The following SHISA5 variants were observed in gnomAD, a reference collection of about 807,000 sequenced individuals.
SHISA5 encodes the protein protein shisa-5.
A neutral mutation model predicts 27.5 loss-of-function variants in SHISA5; 21 were observed. The observed-to-expected ratio is 0.76, with a 90% CI of 0.54 to 1.10. The LOEUF is 1.10. SHISA5 is among the 50% of genes least tolerant of loss of function. The pLI is 0.00. For missense variants in SHISA5, 314 were observed against 336.3 expected (o/e 0.93, Z 0.52); for synonymous variants, 137 against 142.2 (o/e 0.96, Z 0.26).
intron 3 of SHISA5, among the ~76,000 whole-genome samples, chr3:48,475,392 C>T (rs2040788742): frequency 6.6e-6 from 1 of 152,088 alleles, no homozygotes; most frequent in African/African-American, 2.4e-5. Flanking sequence ...GGGCAGCCAC[C>T]CCGGCAGGGA....
At chr3:48,478,189 G>A (rs2040885075) in intron 3 of SHISA5, among the ~76,000 whole-genome samples, 2 of 152,212 alleles carry the variant, frequency 1.3e-5, no homozygotes, top group Admixed American at 6.5e-5. Context: ...ACGTGGAGGG[G>A]AAGGCCTGTA....
At chr3:48,495,977 C>A (rs1175089188) in intron 2 of SHISA5, among the ~76,000 whole-genome samples, 2 of 146,894 alleles carry the variant, frequency 1.4e-5, no homozygotes, top group African/African-American at 2.7e-5. Context: ...ATGGTAAAAC[C>A]CCATCTCAAC....
At chr3:48,502,148 C>A (rs2107394994) in intron 1 of SHISA5, among the ~76,000 whole-genome samples, 2 of 152,292 alleles carry the variant, frequency 1.3e-5, no homozygotes, top group Middle Eastern at 6.8e-3. Context: ...AGGCATGAGC[C>A]ACCGCACCCC....
At chr3:48,503,836 C>G (rs933474007) in intron 1 of SHISA5, 183 bp downstream of exon 1, 49 of 1,285,680 alleles carry the variant, frequency 3.8e-5, no homozygotes, top group Non-Finnish European at 4.5e-5. Flanking sequence ...GTTGTTCAGG[C>G]AAGGAGGGTG....
Position 48,475,070 on chromosome 3 carries a change from T to C in SHISA5, c.314+4107A>G, listed in dbSNP as rs956716071. ...ATCCAATACAGCTTTCGGCCACCAC[T>C]ATATTTCCAGTGCCTAGCATATAGT... On this transcript the variant is annotated intron_variant, in intron 3 of 5. Coordinates refer to ENST00000296444, the MANE Select transcript of SHISA5 (RefSeq NM_016479.6). Among the ~76,000 whole-genome samples, 62 of 152,258 alleles carry C rather than the reference T, an allele frequency of 4.1e-4. 1 individual carries two copies. The highest frequency in any genetic ancestry group is 3.6e-3 in the Admixed American group (55 of 15,284).
At chr3:48,502,478 A>G (rs2041786036) in intron 1 of SHISA5, 1 of 447,830 alleles carries the variant, frequency 2.2e-6, no homozygotes, top group African/African-American at 2.0e-5. Flanking sequence ...GACTCTCAGC[A>G]CAGAGTTGGG....
At chr3:48,484,880 C>A (rs1387357149) in intron 2 of SHISA5, among the ~76,000 whole-genome samples, 1 of 151,950 alleles carries the variant, frequency 6.6e-6, no homozygotes, top group Non-Finnish European at 1.5e-5. Context: ...GCAATGAGAG[C>A]AAAACTCCAT....
Position 48,473,326 on chromosome 3 carries a change from C to A in SHISA5, c.315-3483G>T. On this transcript the variant is annotated intron_variant, in intron 3 of 5. Transcript: ENST00000296444. The surrounding 1 kb of genome is among the most constrained non-coding windows in gnomAD (Gnocchi z 4.3). ...GAGCCAAGCCTACAGGGCCTGACCTCAGAATGCAGCCTGGCCACTAGGGGG... is the reference window on the plus strand; with the variant it reads ...GAGCCAAGCCTACAGGGCCTGACCTAAGAATGCAGCCTGGCCACTAGGGGG... 7.2e-7 allele frequency: 1 copy of A among 1,390,610 alleles called. No individual in the cohort carries two copies. The highest frequency in any genetic ancestry group is 9.5e-7 in the Non-Finnish European group (1 of 1,057,390). 86.1% of individuals were successfully genotyped at this position (1,390,610 alleles called of 1,614,324 possible). A position where few individuals can be genotyped will look rare whatever the true frequency, so the allele number is the denominator to read the frequency against.
intron 2 of SHISA5, among the ~76,000 whole-genome samples, chr3:48,493,788 C>G (rs2041488328): frequency 6.8e-6 from 1 of 146,888 alleles, no homozygotes; most frequent in Non-Finnish European, 1.5e-5. Context: ...CCGCCTCAGC[C>G]TCCCAAAGTG....
rs1259191415 is a variant in SHISA5, at chr3:48,467,969, T to C, written c.*1138A>G. 3.6e-6 allele frequency: 1 copy of C among 274,932 alleles called. No individual in the cohort carries two copies. Among genetic ancestry groups the C allele is most frequent in the Non-Finnish European group, 6.6e-6 (1 of 152,594 alleles). The allele number at this position is 274,932 out of a possible 1,614,324, so 17.0% of individuals were successfully genotyped here. A position where few individuals can be genotyped will look rare whatever the true frequency, so the allele number is the denominator to read the frequency against. On this transcript the variant is annotated 3_prime_UTR_variant, in exon 6 of 6. Coordinates refer to ENST00000296444, the MANE Select transcript of SHISA5 (RefSeq NM_016479.6). Reference sequence around the variant, plus strand: ...TAAGACAGCTCTGGTGAAACAGTAATAGAGGGAGGAGGAACACGAGGTATT... The same window carrying C: ...TAAGACAGCTCTGGTGAAACAGTAACAGAGGGAGGAGGAACACGAGGTATT...
rs771685332 is a variant in SHISA5 at position 48,501,315 on chromosome 3, G to A, written c.77-22C>T. 5 of 1,610,064 alleles carry A rather than the reference G, an allele frequency of 3.1e-6. No homozygotes were observed. The South Asian group carries it at 5.5e-5, about 18-fold the overall frequency. On this transcript the variant is annotated intron_variant, in intron 1 of 5. Coordinates refer to ENST00000296444, the MANE Select transcript of SHISA5 (RefSeq NM_016479.6). The stretch of plus-strand genomic sequence containing the variant: ...CGTGCTGGAGAGGAGAAACACATCT[G>A]TTCACCTGTGCCCACGGGCCAGGCC...
In SHISA5 at chr3:48,475,018, G is replaced by A. The variant is rs552274803; in HGVS notation, c.314+4159C>T. On this transcript the variant is annotated intron_variant, in intron 3 of 5. Transcript: ENST00000296444. ...TGTGTGTGAGCATTTGATCAACTAC[G>A]TCTTGCCCCTGCTTTGTACCATTAT... Among the ~76,000 whole-genome samples the A allele has an allele frequency of 5.3e-5, 8 of 152,176 alleles. No homozygotes were observed. In the South Asian group the frequency reaches 1.5e-3, roughly 28 times the overall value.
intron 3 of SHISA5, among the ~76,000 whole-genome samples, chr3:48,475,086 A>G (rs1239014493): frequency 6.6e-6 from 1 of 152,186 alleles, no homozygotes; most frequent in Non-Finnish European, 1.5e-5. Flanking sequence ...TCCAGTGCCT[A>G]GCATATAGTG....
intron 2 of SHISA5, among the ~76,000 whole-genome samples, chr3:48,498,090 G>A (rs1312908175): frequency 6.6e-6 from 1 of 152,044 alleles, no homozygotes; most frequent in Non-Finnish European, 1.5e-5. Context: ...CATATTAACA[G>A]AATAAAAATT....
rs1179506681 is a variant in SHISA5, at chr3:48,501,288, C to A, written c.82G>T (p.Gly28Cys). Residue 28 changes from glycine to cysteine, a missense_variant, in exon 2 of 6, where the codon GGT becomes TGT. Gly to Cys is a radical substitution (Grantham distance 159, BLOSUM62 -3). Transcript: ENST00000296444. ...CCACGGGAAGCCATACACACCTCAC[C>A]ACGTGCTGGAGAGGAGAAACACATC... is the stretch of plus-strand genomic sequence containing the variant. ...LLLTPPPGAR[G>C]EVCMASRGLS... 2.5e-6 allele frequency: 4 copies of A among 1,613,772 alleles called. No individual in the cohort carries two copies. Among genetic ancestry groups the A allele is most frequent in the South Asian group, 1.1e-5 (1 of 91,060 alleles).
chr3:48,495,584 C>T (rs2041516605), intron 2 of SHISA5, among the ~76,000 whole-genome samples: 1 of 146,640 alleles, frequency 6.8e-6, no homozygotes, highest in Non-Finnish European at 1.5e-5. Flanking sequence ...TACAGTGACA[C>T]AATATCAGCT....
At chr3:48,489,402 A>G (rs1290675876) in intron 2 of SHISA5, among the ~76,000 whole-genome samples, 1 of 151,250 alleles carries the variant, frequency 6.6e-6, no homozygotes, top group Non-Finnish European at 1.5e-5. Flanking sequence ...GCTCACTGCA[A>G]GCTCTGCCTC....
intron 2 of SHISA5, among the ~76,000 whole-genome samples, chr3:48,482,660 G>T (rs2041062032): frequency 6.6e-6 from 1 of 151,504 alleles, no homozygotes; most frequent in Non-Finnish European, 1.5e-5. Flanking sequence ...TTGAGACAGA[G>T]TCTCGTCTCT....
rs767337391 is a variant in SHISA5 at position 48,469,303 on chromosome 3, G to A, written c.643+58C>T. The A allele has an allele frequency of 6.4e-7, 1 of 1,566,346 alleles. No homozygotes were observed. The highest frequency in any genetic ancestry group is 1.8e-5 in the Admixed American group (1 of 56,402). ...GATGTAGTTTGGGATGGGTGCCCGA[G>A]GGATGCTGGCAGAGACTCGGGAAGT... On this transcript the variant is annotated intron_variant, in intron 5 of 5. Transcript: ENST00000296444. This position sits in a 1 kb window ranked among gnomAD's most constrained non-coding sequence, Gnocchi z 4.6.
Sources: gnomAD v4.1 joint callset for allele counts (sites outside exome capture counted in the v4.1 genomes callset) on GRCh38, gnomAD v4.1.1 for gene constraint, Gnocchi (gnomAD v3.1) non-coding constraint, MANE v1.5 for transcripts, NCBI Gene and HGNC (gene_info 2026-07-23, HGNC 2026-07-21) for gene names.